Variants in HCN1 observed in about 807,000 individuals in gnomAD.
HCN1 encodes the protein potassium/sodium hyperpolarization-activated cyclic nucleotide-gated channel 1.
In HCN1, 13 loss-of-function variants were observed where a neutral mutation model predicts 78.9. That is an observed-to-expected ratio of 0.16 (90% CI 0.11 to 0.26). HCN1 has a LOEUF of 0.26. Among genes scored for constraint, HCN1 ranks in the 10% least tolerant of loss-of-function variants. The probability of loss-of-function intolerance (pLI) is 1.00; values close to 1 mark genes in which losing one functional copy is unlikely to be tolerated. For synonymous variants in HCN1, 552 were observed against 455.5 expected, an observed-to-expected ratio of 1.21 and a Z score of -2.70; for missense variants, 810 against 1,154.3, an observed-to-expected ratio of 0.70 and a Z score of 4.32.
At chr5:45,270,302 C>T (rs1744935862) in intron 6 of HCN1, among the ~76,000 whole-genome samples, 1 of 152,198 alleles carries the variant, frequency 6.6e-6, no homozygotes, top group South Asian at 2.1e-4. Context: ...ATTATCAGAA[C>T]TGCATCATGT....
intron 3 of HCN1, among the ~76,000 whole-genome samples, chr5:45,449,628 G>A (rs1012656335): frequency 6.8e-5 from 10 of 147,156 alleles, no homozygotes; most frequent in Non-Finnish European, 1.2e-4. Flanking sequence ...TCTTTATACC[G>A]CTTTATTTCA....
At chr5:45,382,171 A>G (rs1747822322) in intron 4 of HCN1, among the ~76,000 whole-genome samples, 1 of 151,922 alleles carries the variant, frequency 6.6e-6, no homozygotes, top group Non-Finnish European at 1.5e-5. Flanking sequence ...TCTCCAACTA[A>G]CCCTTCTAGG....
intron 2 of HCN1, among the ~76,000 whole-genome samples, chr5:45,572,943 A>T (rs1449354816): frequency 6.6e-6 from 1 of 152,146 alleles, no homozygotes; most frequent in Non-Finnish European, 1.5e-5. Flanking sequence ...AGGGAGGAAC[A>T]TTTCATTTTT....
chr5:45,366,867 C>T (rs1747248844), intron 4 of HCN1, among the ~76,000 whole-genome samples: 1 of 151,610 alleles, frequency 6.6e-6, no homozygotes, highest in South Asian at 2.1e-4. Context: ...AAAACAAGAT[C>T]AAAATGGATG....
chr5:45,436,491 T>C (rs1478054896), intron 3 of HCN1, among the ~76,000 whole-genome samples: 4 of 152,118 alleles, frequency 2.6e-5, no homozygotes, highest in Non-Finnish European at 4.4e-5. Flanking sequence ...CCAATCATGA[T>C]AGAATAATAA....
chr5:45,344,890 C>T (rs1430348695), intron 5 of HCN1, among the ~76,000 whole-genome samples: 3 of 152,166 alleles, frequency 2.0e-5, no homozygotes, highest in African/African-American at 7.2e-5. Context: ...CCTCTTCTCA[C>T]AGCTCCACTA....
At position 45,353,067 on chromosome 5, in the gene HCN1, T is replaced by C. The variant is rs115647789; in HGVS notation, c.1377+33A>G. Reference sequence around the variant, plus strand: ...GAAGAGAGAAAATAAACAATGATTATGTATTATGCATACTGAGGACAATAA... The same window carrying C: ...GAAGAGAGAAAATAAACAATGATTACGTATTATGCATACTGAGGACAATAA... On this transcript the variant is annotated intron_variant, in intron 5 of 7. Transcript: ENST00000303230. 1.3e-3 allele frequency: 2,063 copies of C among 1,544,758 alleles called. 28 individuals are homozygous for C. In the African/African-American group the frequency reaches 0.024, roughly 18 times the overall value.
At chr5:45,525,184 C>T (rs895427628) in intron 2 of HCN1, among the ~76,000 whole-genome samples, 1 of 152,056 alleles carries the variant, frequency 6.6e-6, no homozygotes, top group African/African-American at 2.4e-5. Flanking sequence ...ATTGAACCAG[C>T]CTTACATCCC....
intron 2 of HCN1, among the ~76,000 whole-genome samples, chr5:45,548,695 G>A (rs1350749559): frequency 2.0e-5 from 3 of 152,118 alleles, no homozygotes; most frequent in Non-Finnish European, 2.9e-5. Context: ...AGGAAAAGAG[G>A]AAGTCAAATT....
chr5:45,275,333 T>A (rs890855303), intron 6 of HCN1, among the ~76,000 whole-genome samples: 19 of 152,040 alleles, frequency 1.2e-4, no homozygotes, highest in Non-Finnish European at 2.6e-4. Context: ...TAAAACAAGG[T>A]GCTCACATTT....
intron 3 of HCN1, among the ~76,000 whole-genome samples, chr5:45,418,080 C>A (rs1368218050): frequency 2.6e-5 from 4 of 151,580 alleles, no homozygotes; most frequent in Non-Finnish European, 4.4e-5. Context: ...AATAAAGTGG[C>A]AATTTTCTGA....
chr5:45,342,686 T>G (rs1746611561), intron 5 of HCN1, among the ~76,000 whole-genome samples: 1 of 152,162 alleles, frequency 6.6e-6, no homozygotes, highest in Non-Finnish European at 1.5e-5. Context: ...TTAAAACTCT[T>G]AACTGGTATC....
intron 5 of HCN1, among the ~76,000 whole-genome samples, chr5:45,337,452 G>A (rs1412360132): frequency 6.6e-6 from 1 of 152,046 alleles, no homozygotes; most frequent in African/African-American, 2.4e-5. Flanking sequence ...ATCCATATAA[G>A]CACAAGCACT....
At chr5:45,493,435 C>T (rs1164628774) in intron 2 of HCN1, among the ~76,000 whole-genome samples, 1 of 151,792 alleles carries the variant, frequency 6.6e-6, no homozygotes, top group Non-Finnish European at 1.5e-5. Flanking sequence ...TTATATATTC[C>T]TTTTACATAA....
chr5:45,696,130 G>C lies in HCN1; in HGVS notation c.-37C>G, dbSNP rs1279022902. 1.6e-6 allele frequency: 2 copies of C among 1,280,618 alleles called. No individual in the cohort carries two copies. Among genetic ancestry groups the C allele is most frequent in the Admixed American group, 3.0e-5 (1 of 32,870 alleles). The allele number at this position is 1,280,618 out of a possible 1,614,324, so 79.3% of individuals were successfully genotyped here. On this transcript the variant is annotated 5_prime_UTR_variant, in exon 1 of 8. Coordinates refer to ENST00000303230, the MANE Select transcript of HCN1 (RefSeq NM_021072.4). The stretch of plus-strand genomic sequence containing the variant: ...GCGGCCGGCGACGGCGCGGGCTCCA[G>C]ACTCGCCGGCCGCCCGGCGCCGGAG...
chr5:45,372,217 TAA>T (rs1491379196), intron 4 of HCN1, among the ~76,000 whole-genome samples: 4 of 73,148 alleles, frequency 5.5e-5, no homozygotes, highest in Admixed American at 2.6e-4. Context: ...TTATATAATA[TAA>T]TATATATAAT....
chr5:45,658,184 T>G (rs1205607192), intron 1 of HCN1, among the ~76,000 whole-genome samples: 1 of 152,140 alleles, frequency 6.6e-6, no homozygotes, highest in Non-Finnish European at 1.5e-5. Context: ...TGGCTAGCCA[T>G]ATGTAGAAAG....
chr5:45,678,013 C>T (rs374477690), intron 1 of HCN1, among the ~76,000 whole-genome samples: 2 of 113,742 alleles, frequency 1.8e-5, no homozygotes, highest in African/African-American at 6.7e-5. Context: ...CACACACACA[C>T]ATACACACAC....
intron 2 of HCN1, among the ~76,000 whole-genome samples, chr5:45,557,251 A>C (rs1052528747): frequency 2.0e-5 from 3 of 151,886 alleles, no homozygotes; most frequent in Admixed American, 6.6e-5. Context: ...TGTTTTCTTC[A>C]ATGCAATACA....
Sources: gnomAD v4.1 joint callset for allele counts (sites outside exome capture counted in the v4.1 genomes callset) on GRCh38, gnomAD v4.1.1 for gene constraint, MANE v1.5 for transcripts, NCBI Gene and HGNC (gene_info 2026-07-23, HGNC 2026-07-21) for gene names.